Variants in KIAA0930 observed in about 807,000 individuals in gnomAD.
KIAA0930 encodes uncharacterized protein KIAA0930.
A neutral mutation model predicts 43.9 loss-of-function variants in KIAA0930; 24 were observed. That is an observed-to-expected ratio of 0.55 (90% CI 0.40 to 0.77). KIAA0930 has a LOEUF of 0.77. Ranked by LOEUF, KIAA0930 falls within the 30% of genes least tolerant of loss-of-function variation. KIAA0930 has a pLI of 0.00. For missense variants in KIAA0930, 461 were observed against 574.2 expected, an observed-to-expected ratio of 0.80 and a Z score of 2.02; for synonymous variants, 259 against 216.4, an observed-to-expected ratio of 1.20 and a Z score of -1.73.
At chr22:45,206,463 G>A (rs2083638782) in intron 2 of KIAA0930, among the ~76,000 whole-genome samples, 1 of 152,216 alleles carries the variant, frequency 6.6e-6, no homozygotes, top group African/African-American at 2.4e-5. Flanking sequence ...GATTTAAAGA[G>A]CTCATATTTG....
rs2083538534 is a variant in KIAA0930 at position 45,196,672 on chromosome 22, G to A, written c.*504C>T. 1 of 154,340 alleles carries A rather than the reference G, an allele frequency of 6.5e-6. No homozygotes were observed. Among genetic ancestry groups the A allele is most frequent in the Non-Finnish European group, 1.4e-5 (1 of 69,310 alleles). 9.6% of individuals were successfully genotyped at this position (154,340 alleles called of 1,614,324 possible). ...CCTATTAGAACAAAGTGGTAAACTGGGGAGGATGAGCTGGGACTGACTCGG... is the reference window on the plus strand; with the variant it reads ...CCTATTAGAACAAAGTGGTAAACTGAGGAGGATGAGCTGGGACTGACTCGG... On this transcript the variant is annotated 3_prime_UTR_variant, in exon 10 of 10. Coordinates refer to ENST00000336156, the MANE Select transcript of KIAA0930 (RefSeq NM_001009880.2). The surrounding 1 kb of genome is among the most constrained non-coding windows in gnomAD (Gnocchi z 4.1).
At chr22:45,235,591 G>A (rs764753682) in intron 1 of KIAA0930, among the ~76,000 whole-genome samples, 1 of 149,558 alleles carries the variant, frequency 6.7e-6, no homozygotes, top group Admixed American at 6.6e-5. Context: ...AAAGCAGCCC[G>A]AGCGTCGGGG....
At chr22:45,206,586 G>A (rs1292201917) in intron 2 of KIAA0930, among the ~76,000 whole-genome samples, 2 of 152,180 alleles carry the variant, frequency 1.3e-5, no homozygotes, top group East Asian at 1.9e-4. Context: ...TGCAATGCAG[G>A]TATCATTAGC....
At position 45,211,928 on chromosome 22, in the gene KIAA0930, G is replaced by A. The variant is rs756010357; in HGVS notation, c.216+28C>T. On this transcript the variant is annotated intron_variant, in intron 2 of 9. Coordinates refer to ENST00000336156, the MANE Select transcript of KIAA0930 (RefSeq NM_001009880.2). ...CCACAGGGATGCTTGGGGCACAGACGCAGGGGCAGGGGCCGGGGGTCACTC... is the reference window on the plus strand; with the variant it reads ...CCACAGGGATGCTTGGGGCACAGACACAGGGGCAGGGGCCGGGGGTCACTC... 84 of 1,601,784 alleles carry A rather than the reference G, an allele frequency of 5.2e-5. No homozygotes were observed. The East Asian group carries it at 6.5e-4, about 12-fold the overall frequency.
At chr22:45,225,387 C>CGT (rs1034341913) in intron 1 of KIAA0930, among the ~76,000 whole-genome samples, 4 of 152,168 alleles carry the variant, frequency 2.6e-5, no homozygotes, top group Admixed American at 2.6e-4. Flanking sequence ...CAAAGGGAAG[C>CGT]GTGGGGTCTC....
intron 1 of KIAA0930, chr22:45,236,331 G>A (rs1301283286): frequency 4.6e-5 from 7 of 152,402 alleles, no homozygotes; most frequent in Admixed American, 3.3e-4. Context: ...GGCTTCCCGA[G>A]GCCAGGGCTG....
At chr22:45,215,767 T>C (rs1307333923) in intron 1 of KIAA0930, among the ~76,000 whole-genome samples, 1 of 152,176 alleles carries the variant, frequency 6.6e-6, no homozygotes, top group African/African-American at 2.4e-5. Flanking sequence ...ACGAGAACGC[T>C]AGGAGTGGAA....
chr22:45,230,469 T>A (rs1256111378), intron 1 of KIAA0930, among the ~76,000 whole-genome samples: 1 of 152,080 alleles, frequency 6.6e-6, no homozygotes, highest in East Asian at 1.9e-4. Flanking sequence ...CCTCTCTATG[T>A]CCGGAGGAAA....
intron 1 of KIAA0930, among the ~76,000 whole-genome samples, chr22:45,214,204 C>A (rs753951532): frequency 2.0e-5 from 3 of 151,988 alleles, no homozygotes; most frequent in Non-Finnish European, 4.4e-5. Context: ...ACAAAACAGC[C>A]CTTAAGAAAA....
chr22:45,219,372 C>A (rs1264886575), intron 1 of KIAA0930, among the ~76,000 whole-genome samples: 1 of 152,186 alleles, frequency 6.6e-6, no homozygotes, highest in Middle Eastern at 3.4e-3. Context: ...GGAATAATCG[C>A]GAATTACTTT....
rs371625950 is a variant in KIAA0930 at position 45,240,331 on chromosome 22, C to A, written c.64+309G>T. ...GGGCTTCCTGGAGAAGGAAGAAGAC[C>A]CGCAGAGACACGAAGAAGAAGGAGG... On this transcript the variant is annotated intron_variant, in intron 1 of 9. Coordinates refer to ENST00000336156, the MANE Select transcript of KIAA0930 (RefSeq NM_001009880.2). 3.5e-3 allele frequency among the ~76,000 whole-genome samples: 531 copies of A among 152,360 alleles called. 1 individual carries two copies. The highest frequency in any genetic ancestry group is 0.012 in the African/African-American group (510 of 41,588).
At chr22:45,209,381 G>T (rs2083672204) in intron 2 of KIAA0930, among the ~76,000 whole-genome samples, 1 of 152,134 alleles carries the variant, frequency 6.6e-6, no homozygotes, top group African/African-American at 2.4e-5. Flanking sequence ...GCCACCCTCA[G>T]CACTGCAGCC....
intron 2 of KIAA0930, among the ~76,000 whole-genome samples, chr22:45,210,038 G>T (rs1346285375): frequency 6.6e-6 from 1 of 152,070 alleles, no homozygotes; most frequent in Non-Finnish European, 1.5e-5. Flanking sequence ...CCTATCCAGG[G>T]TGCACACAAC....
At chr22:45,218,833 T>C (rs1312337854) in intron 1 of KIAA0930, among the ~76,000 whole-genome samples, 1 of 152,066 alleles carries the variant, frequency 6.6e-6, no homozygotes, top group African/African-American at 2.4e-5. Context: ...CTCCCCCAAC[T>C]TCTGAGTCCC....
intron 1 of KIAA0930, chr22:45,226,110 C>A: frequency 2.5e-6 from 1 of 393,348 alleles, no homozygotes; most frequent in Non-Finnish European, 5.4e-6. Context: ...CGAGCCCTGT[C>A]CTCGGTGCGT....
intron 1 of KIAA0930, among the ~76,000 whole-genome samples, chr22:45,225,105 T>TC (rs1004323752): frequency 3.3e-5 from 5 of 151,522 alleles, no homozygotes; most frequent in Non-Finnish European, 7.4e-5. Context: ...TTGGGGAGAG[T>TC]CCAGGCGGCC....
Position 45,208,829 on chromosome 22 carries a change from G to A in KIAA0930, c.217-2917C>T, listed in dbSNP as rs1057420655. Among the ~76,000 whole-genome samples, 12 of 152,342 alleles carry A rather than the reference G, an allele frequency of 7.9e-5. No individual in the cohort carries two copies. The South Asian group carries it at 1.0e-3, about 13-fold the overall frequency. Reference sequence around the variant, plus strand: ...TGTGACCCCAGGAAGCTTCCTCCCCGTCTCTGAGCTTTGGTTTTCTGAGTG... The same window carrying A: ...TGTGACCCCAGGAAGCTTCCTCCCCATCTCTGAGCTTTGGTTTTCTGAGTG... On this transcript the variant is annotated intron_variant, in intron 2 of 9. Transcript: ENST00000336156.
At position 45,199,384 on chromosome 22, in the gene KIAA0930, C is replaced by T. The variant is rs78963667; in HGVS notation, c.1015+489G>A. Among the ~76,000 whole-genome samples, 8 of 152,168 alleles carry T rather than the reference C, an allele frequency of 5.3e-5. No individual in the cohort carries two copies. In the East Asian group the frequency reaches 9.7e-4, roughly 18 times the overall value. The stretch of plus-strand genomic sequence containing the variant: ...AGGAAGGCCCCGGGGGTAGGCTGCA[C>T]GAGGTGGCGACTGTGTCACCAAAGA... On this transcript the variant is annotated intron_variant, in intron 8 of 9. Transcript: ENST00000336156.
rs1294546590 is a variant in KIAA0930, at chr22:45,197,128, C to A, written c.*48G>T. 7.4e-6 allele frequency: 11 copies of A among 1,495,384 alleles called. No homozygotes were observed. The Admixed American group carries it at 1.5e-4, about 20-fold the overall frequency. The allele number at this position is 1,495,384 out of a possible 1,614,324, so 92.6% of individuals were successfully genotyped here. On this transcript the variant is annotated 3_prime_UTR_variant, in exon 10 of 10. Transcript: ENST00000336156. The stretch of plus-strand genomic sequence containing the variant: ...GTGGACAGGTAGGCACTTGGCAGCA[C>A]TCCGAGGGCTGGGCCCGGCCGGGGC...
Sources: allele counts gnomAD v4.1 joint callset (sites outside exome capture counted in the v4.1 genomes callset), GRCh38; gene constraint gnomAD v4.1.1; non-coding constraint Gnocchi (gnomAD v3.1); transcripts MANE v1.5; gene names NCBI Gene and HGNC (gene_info 2026-07-23, HGNC 2026-07-21).